Variants in PUDP observed in about 807,000 individuals in gnomAD.
The protein encoded by PUDP is pseudouridine 5'-phosphatase.
A neutral mutation model predicts 9.4 loss-of-function variants in PUDP; 8 were observed. That is an observed-to-expected ratio of 0.85 (90% CI 0.50 to 1.53). The LOEUF (loss-of-function observed/expected upper bound fraction) is 1.53, where lower values mean the gene tolerates loss of function less well. Among genes scored for constraint, PUDP ranks in the 40% most tolerant of loss-of-function variants. The pLI is 0.00. For missense variants in PUDP, 188 were observed against 189.7 expected, an observed-to-expected ratio of 0.99 and a Z score of 0.05; for synonymous variants, 99 against 80.7, an observed-to-expected ratio of 1.23 and a Z score of -1.22.
intron 3 of PUDP, among the ~76,000 whole-genome samples, chrX:6,759,010 G>A (rs2146673865): frequency 8.9e-6 from 1 of 112,210 alleles, no homozygotes; most frequent in South Asian, 3.8e-4. Context: ...TGCAAAAGGT[G>A]TTCACCCCTG....
chrX:6,765,157 G>A (rs1925269516), intron 3 of PUDP, among the ~76,000 whole-genome samples: 1 of 109,958 alleles, frequency 9.1e-6, no homozygotes, highest in African/African-American at 3.3e-5. Context: ...GTGTGCACCT[G>A]TAGTCCCAGC....
At chrX:6,886,150 T>C (rs1569117143) in intron 3 of PUDP, among the ~76,000 whole-genome samples, 1 of 112,187 alleles carries the variant, frequency 8.9e-6, no homozygotes, top group Non-Finnish European at 1.9e-5. Flanking sequence ...TCTACTGATA[T>C]AATTTGCATT....
At chrX:7,126,836 T>C (rs1190013929) in intron 1 of PUDP, among the ~76,000 whole-genome samples, 1 of 111,668 alleles carries the variant, frequency 9.0e-6, no homozygotes, top group African/African-American at 3.3e-5. Context: ...TTTTTATTTT[T>C]TTATATAAAA....
chrX:7,091,065 G>A (rs1192268958), intron 2 of PUDP, among the ~76,000 whole-genome samples: 1 of 111,905 alleles, frequency 8.9e-6, no homozygotes, highest in Non-Finnish European at 1.9e-5. Flanking sequence ...ACTTCCAAAG[G>A]GTCAATGGTG....
chrX:6,876,305 A>C (rs1927251000), intron 3 of PUDP, among the ~76,000 whole-genome samples: 1 of 111,515 alleles, frequency 9.0e-6, no homozygotes, highest in African/African-American at 3.3e-5. Flanking sequence ...CTAAGCTATG[A>C]TGTTCAGCAG....
intron 3 of PUDP, among the ~76,000 whole-genome samples, chrX:7,061,212 G>A (rs1042051888): frequency 9.0e-6 from 1 of 111,217 alleles, no homozygotes; most frequent in Non-Finnish European, 1.9e-5. Flanking sequence ...GACTAACTCA[G>A]TGTTTCTCAA....
intron 3 of PUDP, among the ~76,000 whole-genome samples, chrX:6,971,107 G>A (rs1036860315): frequency 3.6e-5 from 4 of 111,447 alleles, no homozygotes; most frequent in Non-Finnish European, 5.7e-5. Context: ...TTCAGCCCCT[G>A]TCTTATACCT....
At chrX:6,773,672 C>T (rs1323650060) in intron 3 of PUDP, among the ~76,000 whole-genome samples, 1 of 110,811 alleles carries the variant, frequency 9.0e-6, no homozygotes, top group African/African-American at 3.3e-5. Flanking sequence ...AGGGCCAAGG[C>T]AGAAGCAGGT....
At chrX:6,890,841 G>T (rs940952438) in intron 3 of PUDP, among the ~76,000 whole-genome samples, 1 of 102,092 alleles carries the variant, frequency 9.8e-6, no homozygotes, top group South Asian at 5.0e-4. Context: ...GCTAATGCCT[G>T]TAATGCTAGT....
intron 1 of PUDP, among the ~76,000 whole-genome samples, chrX:7,023,636 TG>T (rs1475091712): frequency 3.6e-5 from 4 of 112,286 alleles, no homozygotes; most frequent in African/African-American, 9.7e-5. Flanking sequence ...TTCACTGAAT[TG>T]TTTTGTACCT....
chrX:6,764,496 ACT>A (rs1925261521), intron 3 of PUDP, among the ~76,000 whole-genome samples: 1 of 111,595 alleles, frequency 9.0e-6, no homozygotes, highest in Non-Finnish European at 1.9e-5. Context: ...GACTATAAAC[ACT>A]TGTCTACAAG....
intron 3 of PUDP, among the ~76,000 whole-genome samples, chrX:6,922,816 C>T (rs1246659148): frequency 8.9e-6 from 1 of 112,219 alleles, no homozygotes. Flanking sequence ...GGATCCATTC[C>T]AAACAGCAAA....
intron 2 of PUDP, among the ~76,000 whole-genome samples, chrX:7,097,483 C>G (rs907333651): frequency 9.0e-6 from 1 of 111,663 alleles, no homozygotes; most frequent in South Asian, 3.8e-4. Flanking sequence ...GGCCACTACT[C>G]CAAGAATATC....
chrX:6,786,958 T>C (rs1297337513), intron 3 of PUDP, among the ~76,000 whole-genome samples: 1 of 111,401 alleles, frequency 9.0e-6, no homozygotes, highest in African/African-American at 3.3e-5. Flanking sequence ...TCCTTCATGT[T>C]CAGTCTTGAA....
intron 3 of PUDP, among the ~76,000 whole-genome samples, chrX:6,850,884 G>A (rs771099561): frequency 8.9e-5 from 10 of 111,853 alleles, no homozygotes; most frequent in East Asian, 2.8e-4. Flanking sequence ...GTACTATATA[G>A]GAAAATAAAA....
chrX:6,781,629 T>C (rs972392150), intron 3 of PUDP, among the ~76,000 whole-genome samples: 27 of 112,284 alleles, frequency 2.4e-4, no homozygotes, highest in African/African-American at 8.1e-4. Context: ...ATGGACTCCA[T>C]AGAAGTCTCT....
chrX:6,893,556 C>A (rs1279451212), intron 3 of PUDP, among the ~76,000 whole-genome samples: 1 of 111,582 alleles, frequency 9.0e-6, no homozygotes, highest in African/African-American at 3.3e-5. Flanking sequence ...ACTTACTTGT[C>A]TGAAAAAAGC....
chrX:6,965,744 C>T (rs1355585972), intron 3 of PUDP, among the ~76,000 whole-genome samples: 1 of 111,888 alleles, frequency 8.9e-6, no homozygotes, highest in Non-Finnish European at 1.9e-5. Context: ...TTATGTCAAT[C>T]GGATATCTAA....
chrX:7,002,910 C>G (rs776900016), intron 1 of PUDP, among the ~76,000 whole-genome samples: 1 of 110,313 alleles, frequency 9.1e-6, no homozygotes, highest in African/African-American at 3.3e-5. Context: ...CAAGGAGCCC[C>G]GGAAAGCACC....
Sources: gnomAD v4.1 joint callset for allele counts (sites outside exome capture counted in the v4.1 genomes callset) on GRCh38, gnomAD v4.1.1 for gene constraint, MANE v1.5 for transcripts, NCBI Gene and HGNC (gene_info 2026-07-23, HGNC 2026-07-21) for gene names.